The following GPR39 variants were observed in gnomAD, a reference collection of about 807,000 sequenced individuals.
The protein encoded by GPR39 is zinc sensing receptor.
Under a neutral mutation model 18.4 loss-of-function variants are expected in GPR39, and 23 were observed. That is an observed-to-expected ratio of 1.25 (90% confidence interval 0.90 to 1.77). The LOEUF is 1.77. Among genes scored for constraint, GPR39 ranks in the 40% most tolerant of loss-of-function variants. The pLI is 0.00. For synonymous variants in GPR39, 280 were observed against 257.9 expected, an observed-to-expected ratio of 1.09 and a Z score of -0.82; for missense variants, 647 against 602.4, an observed-to-expected ratio of 1.07 and a Z score of -0.78.
intron 1 of GPR39, among the ~76,000 whole-genome samples, chr2:132,493,145 CATTCCATATATAT>C: frequency 7.2e-6 from 1 of 139,810 alleles, no homozygotes; most frequent in African/African-American, 2.7e-5. Context: ...CATATATATA[CATTCCATATATAT>C]ACCATATATA....
intron 1 of GPR39, among the ~76,000 whole-genome samples, chr2:132,482,545 C>G (rs936331831): frequency 6.6e-6 from 1 of 152,126 alleles, no homozygotes; most frequent in Non-Finnish European, 1.5e-5. Context: ...AGTGGACGAG[C>G]AGTTCAGATT....
At chr2:132,551,079 T>G (rs796364969) in intron 1 of GPR39, among the ~76,000 whole-genome samples, 25 of 152,268 alleles carry the variant, frequency 1.6e-4, no homozygotes, top group Admixed American at 5.9e-4. Context: ...AGAATATAAG[T>G]TCATTTTTCC....
At chr2:132,529,511 C>T (rs969545906) in intron 1 of GPR39, among the ~76,000 whole-genome samples, 13 of 152,216 alleles carry the variant, frequency 8.5e-5, no homozygotes, top group Admixed American at 6.5e-5. Context: ...AGTAGTGGTT[C>T]TCCCAGCACG....
At chr2:132,571,068 G>T (rs575628818) in intron 1 of GPR39, among the ~76,000 whole-genome samples, 1 of 152,320 alleles carries the variant, frequency 6.6e-6, no homozygotes, top group East Asian at 1.9e-4. Flanking sequence ...AGTACATTGT[G>T]CCCAAATAGT....
Position 132,505,841 on chromosome 2 carries a change from C to T in GPR39, c.856+87943C>T, listed in dbSNP as rs541302722. The stretch of plus-strand genomic sequence containing the variant: ...GGCTAATTCCGTATCTTGGCTATCG[C>T]GAATTGCGCTGCAATAAACATGGGG... On this transcript the variant is annotated intron_variant, in intron 1 of 1. Coordinates refer to ENST00000329321, the MANE Select transcript of GPR39 (RefSeq NM_001508.3). Among the ~76,000 whole-genome samples, 7 of 152,292 alleles carry T rather than the reference C, an allele frequency of 4.6e-5. No homozygotes were observed. In the South Asian group the frequency reaches 6.2e-4, roughly 14 times the overall value.
At chr2:132,619,868 C>G (rs1287434614) in intron 1 of GPR39, among the ~76,000 whole-genome samples, 3 of 150,864 alleles carry the variant, frequency 2.0e-5, no homozygotes, top group Admixed American at 6.6e-5. Flanking sequence ...GACACACACA[C>G]ACTCTCCACA....
At chr2:132,439,897 TTC>T (rs1342868241) in intron 1 of GPR39, among the ~76,000 whole-genome samples, 3 of 152,192 alleles carry the variant, frequency 2.0e-5, no homozygotes, top group Non-Finnish European at 4.4e-5. Context: ...TGTCTCCAGT[TTC>T]TCACAGCATG....
At chr2:132,473,761 G>A (rs540659978) in intron 1 of GPR39, among the ~76,000 whole-genome samples, 1 of 152,284 alleles carries the variant, frequency 6.6e-6, no homozygotes, top group South Asian at 2.1e-4. Context: ...GAGACATGAT[G>A]TAGACCACTA....
chr2:132,452,246 G>A (rs1474581825), intron 1 of GPR39, among the ~76,000 whole-genome samples: 2 of 152,056 alleles, frequency 1.3e-5, no homozygotes, highest in East Asian at 1.9e-4. Context: ...GATTATGGTT[G>A]TCACTTTTTT....
intron 1 of GPR39, among the ~76,000 whole-genome samples, chr2:132,531,937 G>T (rs969305574): frequency 1.3e-5 from 2 of 152,182 alleles, no homozygotes; most frequent in African/African-American, 4.8e-5. Flanking sequence ...ACAATTAAAA[G>T]AACTAGAGAA....
chr2:132,540,469 C>G (rs1299135034), intron 1 of GPR39, among the ~76,000 whole-genome samples: 4 of 152,196 alleles, frequency 2.6e-5, no homozygotes, highest in African/African-American at 4.8e-5. Context: ...CCATTCCTGA[C>G]ACTGTCATTA....
chr2:132,606,741 G>A (rs963754292), intron 1 of GPR39, among the ~76,000 whole-genome samples: 1 of 152,202 alleles, frequency 6.6e-6, no homozygotes, highest in Non-Finnish European at 1.5e-5. Flanking sequence ...TGAGTGCAAG[G>A]TTTTATTGAG....
intron 1 of GPR39, among the ~76,000 whole-genome samples, chr2:132,520,723 C>T (rs1041404079): frequency 4.6e-5 from 7 of 152,170 alleles, no homozygotes; most frequent in African/African-American, 1.7e-4. Flanking sequence ...AGGGAGGATG[C>T]CTGAACAGTC....
intron 1 of GPR39, among the ~76,000 whole-genome samples, chr2:132,458,710 C>T (rs1264288726): frequency 2.6e-5 from 4 of 151,970 alleles, no homozygotes; most frequent in Admixed American, 1.3e-4. Flanking sequence ...TCCCCCCAGG[C>T]CATTTGTAGG....
At chr2:132,460,816 A>G (rs146664698) in intron 1 of GPR39, among the ~76,000 whole-genome samples, 2 of 152,110 alleles carry the variant, frequency 1.3e-5, no homozygotes, top group East Asian at 1.9e-4. Flanking sequence ...GTAACCCCAG[A>G]TGGGAAAGAG....
At chr2:132,585,891 G>T (rs912390262) in intron 1 of GPR39, among the ~76,000 whole-genome samples, 1 of 151,670 alleles carries the variant, frequency 6.6e-6, no homozygotes, top group African/African-American at 2.4e-5. Context: ...TGGGGTACCC[G>T]AGGGGGCCAA....
At chr2:132,608,698 T>C (rs901293984) in intron 1 of GPR39, among the ~76,000 whole-genome samples, 21 of 152,192 alleles carry the variant, frequency 1.4e-4, no homozygotes, top group African/African-American at 5.1e-4. Context: ...GATTCAGTTC[T>C]CAGCCATTTC....
chr2:132,525,760 G>A (rs112758905), intron 1 of GPR39, among the ~76,000 whole-genome samples: 59 of 152,274 alleles, frequency 3.9e-4, no homozygotes, highest in African/African-American at 1.3e-3. Context: ...GATCTCCAAG[G>A]CCAGTTATAG....
intron 1 of GPR39, among the ~76,000 whole-genome samples, chr2:132,453,739 C>T (rs1017521065): frequency 2.6e-5 from 4 of 152,082 alleles, no homozygotes; most frequent in Non-Finnish European, 5.9e-5. Flanking sequence ...AATAGGGATG[C>T]CCTTTCCCCA....
Sources: allele counts gnomAD v4.1 joint callset (sites outside exome capture counted in the v4.1 genomes callset), GRCh38; gene constraint gnomAD v4.1.1; transcripts MANE v1.5; gene names NCBI Gene and HGNC (gene_info 2026-07-23, HGNC 2026-07-21).